The following ID2 variants were observed in gnomAD, a reference collection of about 807,000 sequenced individuals.
ID2 encodes DNA-binding protein inhibitor ID-2.
ID2 carries 2 observed loss-of-function variants against 8.3 expected under a neutral mutation model. That is an observed-to-expected ratio of 0.24 (90% CI 0.10 to 0.76). ID2 has a LOEUF of 0.76. Ranked by LOEUF, ID2 falls within the 30% of genes least tolerant of loss-of-function variation. The pLI is 0.73. For synonymous variants in ID2, 112 were observed against 72.3 expected (o/e 1.55, Z -2.79); for missense variants, 155 against 167.0 (o/e 0.93, Z 0.40).
rs1202522783 is a variant in ID2, at chr2:8,682,349, A to G, written c.184A>G (p.Met62Val). 6.2e-7 allele frequency: 1 copy of G among 1,613,946 alleles called. No individual in the cohort carries two copies. The highest frequency in any genetic ancestry group is 1.3e-5 in the African/African-American group (1 of 74,922). The change falls in exon 1 of 3, where the codon ATG (methionine) becomes GTG (valine). Residue 62 changes from methionine (M) to valine (V), a missense_variant. By Grantham distance (21) the Met-to-Val change is conservative. Coordinates refer to ENST00000396290, the MANE Select transcript of ID2 (RefSeq NM_002166.5). ...CCCCCAGAACAAGAAGGTGAGCAAG[A>G]TGGAAATCCTGCAGCACGTCATCGA... Reference protein sequence around the residue: ...SIPQNKKVSKMEILQHVIDYI... With the variant: ...SIPQNKKVSKVEILQHVIDYI...
Position 8,682,859 on chromosome 2 carries a change from C to G in ID2, c.365C>G (p.Ser122Cys). The change falls in exon 2 of 3, where the codon TCT (serine) becomes TGT (cysteine). Residue 122 changes from serine to cysteine, a missense_variant. By Grantham distance (112) the Ser-to-Cys change is moderately radical. Coordinates refer to ENST00000396290, the MANE Select transcript of ID2 (RefSeq NM_002166.5). The part of the protein sequence containing the change: ...ILSLQASEFP[S>C]ELMSNDSKAL... Reference sequence around the variant, plus strand: ...TCTTTCCAGGCTTCTGAATTCCCTTCTGAGTTAATGTCAAATGACAGCAAA... The same window carrying G: ...TCTTTCCAGGCTTCTGAATTCCCTTGTGAGTTAATGTCAAATGACAGCAAA... 1 of 1,612,868 alleles carries G rather than the reference C, an allele frequency of 6.2e-7. No individual in the cohort carries two copies. The highest frequency in any genetic ancestry group is 1.1e-5 in the South Asian group (1 of 91,058).
rs55915871 is a variant in ID2, at chr2:8,682,781, A to C, written c.349-62A>C. ...GGACTACAAAAAAAAAAAAAAAAAA[A>C]AAAAAACCCTTTCTACTTAACATTG... On this transcript the variant is annotated intron_variant, in intron 1 of 2. Coordinates refer to ENST00000396290, the MANE Select transcript of ID2 (RefSeq NM_002166.5). The C allele has an allele frequency of 9.8e-5, 123 of 1,250,434 alleles. No homozygotes were observed. The African/African-American group carries it at 1.4e-3, about 14-fold the overall frequency. 77.5% of individuals were successfully genotyped at this position (1,250,434 alleles called of 1,614,324 possible).
intron 2 of ID2, chr2:8,683,111 T>C (rs113690930): frequency 3.4e-6 from 2 of 590,228 alleles, no homozygotes; most frequent in African/African-American, 3.7e-5. Context: ...CATTTTCCTT[T>C]AAAAGGAAAT....
Position 8,682,061 on chromosome 2 carries a change from G to T in ID2, c.-105G>T. 3.4e-6 allele frequency: 3 copies of T among 872,786 alleles called. No homozygotes were observed. Among genetic ancestry groups the T allele is most frequent in the Non-Finnish European group, 5.3e-6 (3 of 563,040 alleles). 54.1% of individuals were successfully genotyped at this position (872,786 alleles called of 1,614,324 possible). On this transcript the variant is annotated 5_prime_UTR_variant, in exon 1 of 3. Transcript: ENST00000396290. The stretch of plus-strand genomic sequence containing the variant: ...CCCCGCCGGGCTCGGGCTTCATTCT[G>T]AGCCGAGCCCGGTGCCAAGCGCAGC...
rs1308454200 is a variant in ID2 at position 8,682,823 on chromosome 2, T to C, written c.349-20T>C. 1 of 1,591,068 alleles carries C rather than the reference T, an allele frequency of 6.3e-7. No homozygotes were observed. Among genetic ancestry groups the C allele is most frequent in the Admixed American group, 1.7e-5 (1 of 59,952 alleles). On this transcript the variant is annotated intron_variant, in intron 1 of 2. Coordinates refer to ENST00000396290, the MANE Select transcript of ID2 (RefSeq NM_002166.5). ...TTAACATTGTCTTAACCTCGTACTC[T>C]TTATCCTCTTTCTTTCCAGGCTTCT...
rs949029751 is a variant in ID2 at position 8,682,174 on chromosome 2, C to T, written c.9C>T (p.Ala3=). The T allele has an allele frequency of 4.3e-6, 7 of 1,613,224 alleles. No individual in the cohort carries two copies. The highest frequency in any genetic ancestry group is 2.7e-5 in the African/African-American group (2 of 74,928). Residue 3 remains alanine (A), a synonymous_variant, in exon 1 of 3, where the codon GCC becomes GCT. Coordinates refer to ENST00000396290, the MANE Select transcript of ID2 (RefSeq NM_002166.5). MK[A]FSPVRSVRKN... is the part of the protein sequence containing the mutation. Reference sequence around the variant, plus strand: ...CTTCCCTCGCGGTCAGCATGAAAGCCTTCAGTCCCGTGAGGTCCGTTAGGA... The same window carrying T: ...CTTCCCTCGCGGTCAGCATGAAAGCTTTCAGTCCCGTGAGGTCCGTTAGGA...
intron 2 of ID2, 61 bp downstream of exon 2, chr2:8,682,967 GCA>G: frequency 7.8e-7 from 1 of 1,276,698 alleles, no homozygotes; most frequent in Non-Finnish European, 1.1e-6. Context: ...GCGCGCGCGC[GCA>G]TGTGTTTTTG....
Position 8,682,841 on chromosome 2 carries a change from A to G in ID2, c.349-2A>G. Reference sequence around the variant, plus strand: ...CGTACTCTTTATCCTCTTTCTTTCCAGGCTTCTGAATTCCCTTCTGAGTTA... The same window carrying G: ...CGTACTCTTTATCCTCTTTCTTTCCGGGCTTCTGAATTCCCTTCTGAGTTA... On this transcript the variant is annotated splice_acceptor_variant, in intron 1 of 2. Coordinates refer to ENST00000396290, the MANE Select transcript of ID2 (RefSeq NM_002166.5). LOFTEE classifies it high-confidence loss of function. 1 of 1,609,978 alleles carries G rather than the reference A, an allele frequency of 6.2e-7. No individual in the cohort carries two copies. The highest frequency in any genetic ancestry group is 8.5e-7 in the Non-Finnish European group (1 of 1,177,046).
chr2:8,682,780 A>AC, intron 1 of ID2, 63 bp from the exon 2 acceptor site: 1 of 1,264,034 alleles, frequency 7.9e-7, no homozygotes, highest in Non-Finnish European at 1.1e-6. Flanking sequence ...AAAAAAAAAA[A>AC]AAAAAAACCC....
At position 8,682,243 on chromosome 2, in the gene ID2, A is replaced by G. The variant is rs1572356416; in HGVS notation, c.78A>G (p.Lys26=). The change falls in exon 1 of 3, where the codon AAA becomes AAG. Residue 26 remains lysine, a synonymous_variant. Coordinates refer to ENST00000396290, the MANE Select transcript of ID2 (RefSeq NM_002166.5). The part of the protein sequence containing the change: ...SDHSLGISRS[K]TPVDDPMSLL... ...ACAGCCTGGGCATCTCCCGGAGCAA[A>G]ACCCCTGTGGACGACCCGATGAGCC... 1 of 1,614,066 alleles carries G rather than the reference A, an allele frequency of 6.2e-7. No homozygotes were observed. Among genetic ancestry groups the G allele is most frequent in the South Asian group, 1.1e-5 (1 of 91,084 alleles).
chr2:8,682,808 C>T (rs554723196), intron 1 of ID2, 35 bp from the exon 2 acceptor site: 6 of 1,328,230 alleles, frequency 4.5e-6, no homozygotes, highest in East Asian at 2.3e-5. Flanking sequence ...TTAACATTGT[C>T]TTAACCTCGT....
At chr2:8,682,572 T>C (rs946713958) in intron 1 of ID2, 59 bp downstream of exon 1, 2 of 1,267,660 alleles carry the variant, frequency 1.6e-6, no homozygotes, top group African/African-American at 1.5e-5. Context: ...TCGTCTGGGC[T>C]GTCACTAGGA....
At chr2:8,683,615 C>T (rs905310373) in intron 2 of ID2, 70 bp from the exon 3 acceptor site, 1 of 152,310 alleles carries the variant, frequency 6.6e-6, no homozygotes, top group Non-Finnish European at 1.5e-5. Context: ...TTCCTCCCGG[C>T]GCCAGTCGCC....
intron 2 of ID2, among the ~76,000 whole-genome samples, chr2:8,683,204 G>A (rs1662141237): frequency 1.3e-5 from 2 of 152,280 alleles, no homozygotes; most frequent in East Asian, 1.9e-4. Flanking sequence ...ATCTTCCTAC[G>A]AGTCCTCTGG....
At position 8,682,271 on chromosome 2, in the gene ID2, C is replaced by A. The variant is rs902319784; in HGVS notation, c.106C>A (p.Leu36Ile). Residue 36 changes from leucine to isoleucine, a missense_variant, in exon 1 of 3, where the codon CTA becomes ATA. Leu to Ile is a conservative substitution (Grantham distance 5, BLOSUM62 2). Around this residue, in one of 3 missense-constraint regions of ID2, gnomAD observed 73 missense variants for 72.2 expected, o/e 1.01. Transcript: ENST00000396290. Reference protein sequence around the residue: ...KTPVDDPMSLLYNMNDCYSKL... With the variant: ...KTPVDDPMSLIYNMNDCYSKL... The stretch of plus-strand genomic sequence containing the variant: ...CCCTGTGGACGACCCGATGAGCCTG[C>A]TATACAACATGAACGACTGCTACTC... 2.5e-6 allele frequency: 4 copies of A among 1,613,888 alleles called. No homozygotes were observed. Among genetic ancestry groups the A allele is most frequent in the Non-Finnish European group, 3.4e-6 (4 of 1,179,924 alleles).
rs200785774 is a variant in ID2 at position 8,682,177 on chromosome 2, C to T, written c.12C>T (p.Phe4=). Residue 4 remains phenylalanine (F), a synonymous_variant, in exon 1 of 3, where the codon TTC becomes TTT. Coordinates refer to ENST00000396290, the MANE Select transcript of ID2 (RefSeq NM_002166.5). The part of the protein sequence containing the change: MKA[F]SPVRSVRKNS... ...CCCTCGCGGTCAGCATGAAAGCCTT[C>T]AGTCCCGTGAGGTCCGTTAGGAAAA... 1.3e-4 allele frequency: 216 copies of T among 1,613,350 alleles called. No homozygotes were observed. The highest frequency in any genetic ancestry group is 8.3e-5 in the Admixed American group (5 of 60,020).
rs1414111147 is a variant in ID2, at chr2:8,682,213, G to C, written c.48G>C (p.Ser16=). The change falls in exon 1 of 3, where the codon TCG becomes TCC. Residue 16 remains serine, a synonymous_variant. Transcript: ENST00000396290. ...PVRSVRKNSL[S]DHSLGISRSK... is the part of the protein sequence containing the mutation. ...GGTCCGTTAGGAAAAACAGCCTGTC[G>C]GACCACAGCCTGGGCATCTCCCGGA... The C allele has an allele frequency of 1.2e-6, 2 of 1,613,824 alleles. No homozygotes were observed. Among genetic ancestry groups the C allele is most frequent in the Non-Finnish European group, 1.7e-6 (2 of 1,180,022 alleles).
intron 2 of ID2, 35 bp downstream of exon 2, chr2:8,682,941 G>C (rs775949491): frequency 4.5e-6 from 7 of 1,540,428 alleles, no homozygotes; most frequent in South Asian, 2.2e-5. Flanking sequence ...TGGGTAAACT[G>C]CCCCTCGGTG....
Position 8,682,859 on chromosome 2 carries a change from C to T in ID2, c.365C>T (p.Ser122Phe). 2.5e-6 allele frequency: 4 copies of T among 1,612,868 alleles called. No individual in the cohort carries two copies. Among genetic ancestry groups the T allele is most frequent in the South Asian group, 1.1e-5 (1 of 91,058 alleles). ...ILSLQASEFP[S>F]ELMSNDSKAL... is the part of the protein sequence containing the mutation. ...TCTTTCCAGGCTTCTGAATTCCCTT[C>T]TGAGTTAATGTCAAATGACAGCAAA... Residue 122 changes from serine to phenylalanine, a missense_variant, in exon 2 of 3, where the codon TCT (serine) becomes TTT (phenylalanine). Coordinates refer to ENST00000396290, the MANE Select transcript of ID2 (RefSeq NM_002166.5).
Sources: allele counts gnomAD v4.1 joint callset (sites outside exome capture counted in the v4.1 genomes callset), GRCh38; gene constraint gnomAD v4.1.1; regional missense constraint gnomAD v4.1.1; transcripts MANE v1.5; gene names NCBI Gene and HGNC (gene_info 2026-07-23, HGNC 2026-07-21).